CLTCL1: variants seen among roughly 807,000 people sequenced by gnomAD.
The protein encoded by CLTCL1 is clathrin heavy chain like 1.
In CLTCL1, 159 loss-of-function variants were observed where a neutral mutation model predicts 190.0. The ratio of observed to expected loss-of-function variants is 0.84; its 90% CI spans 0.74 to 0.95. The LOEUF is 0.95. Ranked by LOEUF, CLTCL1 falls within the 40% of genes least tolerant of loss-of-function variation. The pLI is 0.00. For synonymous variants in CLTCL1, 752 were observed against 769.6 expected (o/e 0.98, Z 0.38); for missense variants, 1,878 against 2,033.4 (o/e 0.92, Z 1.47).
chr22:19,235,389 A>C (rs1413355959), intron 6 of CLTCL1, among the ~76,000 whole-genome samples: 3 of 152,190 alleles, frequency 2.0e-5, no homozygotes, highest in Admixed American at 2.0e-4. Context: ...AAGTTACTTA[A>C]ATACCATAGT....
chr22:19,226,149 C>T (rs1208336213), intron 12 of CLTCL1, 70 bp downstream of exon 12: 5 of 1,520,900 alleles, frequency 3.3e-6, no homozygotes, highest in South Asian at 1.2e-5. Context: ...AACAGGTGAA[C>T]ACTGGGGAGC....
At chr22:19,260,873 C>G (rs1043795945) in intron 2 of CLTCL1, among the ~76,000 whole-genome samples, 1 of 148,180 alleles carries the variant, frequency 6.7e-6, no homozygotes, top group African/African-American at 2.5e-5. Context: ...GATAGTACAT[C>G]TGTTTACAGC....
At chr22:19,209,460 A>G (rs1480888184) in intron 20 of CLTCL1, 14 of 191,964 alleles carry the variant, frequency 7.3e-5, no homozygotes, top group African/African-American at 3.0e-4. Context: ...AAAAGAGTTC[A>G]CAAGAATTGC....
At chr22:19,217,010 A>C (rs1180547518) in intron 18 of CLTCL1, among the ~76,000 whole-genome samples, 1 of 152,204 alleles carries the variant, frequency 6.6e-6, no homozygotes, top group Non-Finnish European at 1.5e-5. Flanking sequence ...TTCATGGCTA[A>C]CACAGCCCTC....
intron 5 of CLTCL1, among the ~76,000 whole-genome samples, chr22:19,237,591 T>C (rs1477431290): frequency 1.3e-5 from 2 of 152,194 alleles, no homozygotes; most frequent in African/African-American, 2.4e-5. Flanking sequence ...CAAAGATGTA[T>C]GGAGCACAAT....
At chr22:19,188,496 G>C (rs1391340102) in intron 27 of CLTCL1, among the ~76,000 whole-genome samples, 1 of 152,182 alleles carries the variant, frequency 6.6e-6, no homozygotes, top group African/African-American at 2.4e-5. Context: ...ACAATCATCT[G>C]AGCCTTCAGT....
At chr22:19,236,507 G>T (rs782341776) in intron 5 of CLTCL1, among the ~76,000 whole-genome samples, 4 of 152,140 alleles carry the variant, frequency 2.6e-5, no homozygotes, top group Admixed American at 1.3e-4. Flanking sequence ...AGGGGCTGGG[G>T]AGAAAAAACA....
intron 1 of CLTCL1, among the ~76,000 whole-genome samples, chr22:19,286,052 C>T (rs1166186063): frequency 6.6e-6 from 1 of 152,146 alleles, no homozygotes; most frequent in African/African-American, 2.4e-5. Context: ...TCAGACTAGC[C>T]CCTGCAACAG....
Position 19,199,852 on chromosome 22 carries a change from G to A in CLTCL1, c.3766-11C>T. ...GCAGGCAAAGCACACCTAGGGGACG[G>A]AGGGCAAGCGTGAGGGTCCCCAAGA... On this transcript the variant is annotated splice_polypyrimidine_tract_variant and intron_variant, in intron 23 of 32. Coordinates refer to ENST00000427926, the MANE Select transcript of CLTCL1 (RefSeq NM_007098.4). 1.3e-6 allele frequency: 2 copies of A among 1,574,190 alleles called. No homozygotes were observed. Among genetic ancestry groups the A allele is most frequent in the Non-Finnish European group, 1.7e-6 (2 of 1,158,578 alleles).
In CLTCL1 at chr22:19,209,081, C is replaced by A. The variant is rs782183440; in HGVS notation, c.3283G>T (p.Ala1095Ser). The stretch of plus-strand genomic sequence containing the variant: ...TTGCATCTCTCCGCAAACTCATATG[C>A]CCGGTCCAGGTTTCCAATGTGCTCG... ...LIEHIGNLDR[A>S]YEFAERCNEP... Residue 1095 changes from alanine (A) to serine (S), a missense_variant, in exon 21 of 33, where the codon GCA becomes TCA. Physicochemically the swap from Ala to Ser is moderately conservative, Grantham distance 99 (BLOSUM62 1). Coordinates refer to ENST00000427926, the MANE Select transcript of CLTCL1 (RefSeq NM_007098.4). 5 of 1,607,140 alleles carry A rather than the reference C, an allele frequency of 3.1e-6. No individual in the cohort carries two copies. Among genetic ancestry groups the A allele is most frequent in the East Asian group, 2.2e-5 (1 of 44,574 alleles).
In CLTCL1 at chr22:19,254,109, G is replaced by A. The variant is rs782184430; in HGVS notation, c.369C>T (p.Thr123=). The change falls in exon 3 of 33, where the codon ACC becomes ACT. Residue 123 remains threonine, a synonymous_variant. Coordinates refer to ENST00000427926, the MANE Select transcript of CLTCL1 (RefSeq NM_007098.4). ...WVSVNTVALV[T]ETAVYHWSME... Reference sequence around the variant, plus strand: ...TGCTCCAGTGGTAGACCGCGGTCTCGGTCACCAAGGCAACAGTGTTCACAG... The same window carrying A: ...TGCTCCAGTGGTAGACCGCGGTCTCAGTCACCAAGGCAACAGTGTTCACAG... The A allele has an allele frequency of 9.9e-6, 16 of 1,613,032 alleles. No individual in the cohort carries two copies. The highest frequency in any genetic ancestry group is 3.3e-5 in the Admixed American group (2 of 59,846).
At chr22:19,287,289 C>T (rs2087940078) in intron 1 of CLTCL1, among the ~76,000 whole-genome samples, 1 of 152,086 alleles carries the variant, frequency 6.6e-6, no homozygotes, top group African/African-American at 2.4e-5. Context: ...AAGAGGAACC[C>T]CAAAGAGGCA....
chr22:19,222,523 G>C (rs2085606383), intron 15 of CLTCL1, among the ~76,000 whole-genome samples, 161 bp downstream of exon 15: 1 of 152,196 alleles, frequency 6.6e-6, no homozygotes, highest in African/African-American at 2.4e-5. Context: ...CAGCTGCCTG[G>C]ACTGTGGTCT....
intron 5 of CLTCL1, among the ~76,000 whole-genome samples, 186 bp from the exon 6 acceptor site, chr22:19,236,055 G>C (rs2086073450): frequency 1.3e-5 from 2 of 152,142 alleles, no homozygotes; most frequent in Admixed American, 1.3e-4. Flanking sequence ...CGACCTCTGG[G>C]CTCAGGTGAT....
chr22:19,189,958 G>GT (rs1397862629), intron 27 of CLTCL1, among the ~76,000 whole-genome samples: 7 of 151,814 alleles, frequency 4.6e-5, no homozygotes, highest in Non-Finnish European at 7.4e-5. Flanking sequence ...ATAATTTATT[G>GT]TTTTTTTTGA....
At chr22:19,181,025 A>G (rs1484257835) in intron 30 of CLTCL1, 10 of 566,688 alleles carry the variant, frequency 1.8e-5, no homozygotes, top group African/African-American at 7.5e-5. Flanking sequence ...GCTGAGATGG[A>G]ACGCCAGGTG....
intron 3 of CLTCL1, among the ~76,000 whole-genome samples, chr22:19,243,368 C>A (rs932617137): frequency 2.6e-5 from 4 of 152,178 alleles, no homozygotes; most frequent in African/African-American, 9.7e-5. Flanking sequence ...CAGTGGCTCA[C>A]ACCTGCAATC....
intron 22 of CLTCL1, among the ~76,000 whole-genome samples, chr22:19,201,720 C>T (rs575555666): frequency 2.0e-5 from 3 of 152,100 alleles, no homozygotes; most frequent in Non-Finnish European, 2.9e-5. Context: ...TCTAACCCTG[C>T]GTTCTGGCAC....
At chr22:19,268,552 T>C (rs945724191) in intron 2 of CLTCL1, among the ~76,000 whole-genome samples, 3 of 152,068 alleles carry the variant, frequency 2.0e-5, no homozygotes, top group Non-Finnish European at 2.9e-5. Context: ...AAATAGACAT[T>C]TCTCAGAAAA....
Sources: allele counts gnomAD v4.1 joint callset (sites outside exome capture counted in the v4.1 genomes callset), GRCh38; gene constraint gnomAD v4.1.1; transcripts MANE v1.5; gene names NCBI Gene and HGNC (gene_info 2026-07-23, HGNC 2026-07-21).